IMMP2L: variants seen among roughly 807,000 people sequenced by gnomAD.
IMMP2L encodes the protein mitochondrial inner membrane protease subunit 2.
In IMMP2L, 18 loss-of-function variants were observed where a neutral mutation model predicts 19.3. The observed-to-expected ratio is 0.93, with a 90% confidence interval of 0.64 to 1.38. The LOEUF (loss-of-function observed/expected upper bound fraction) is 1.38. Among genes scored for constraint, IMMP2L ranks in the 40% most tolerant of loss-of-function variants. The pLI, the probability that IMMP2L is intolerant of heterozygous loss-of-function variation, is 0.00. For synonymous variants in IMMP2L, 76 were observed against 73.0 expected (o/e 1.04, Z -0.21); for missense variants, 233 against 218.2 (o/e 1.07, Z -0.43).
chr7:111,049,977 C>G (rs989893817), intron 3 of IMMP2L, among the ~76,000 whole-genome samples: 1 of 152,154 alleles, frequency 6.6e-6, no homozygotes, highest in Non-Finnish European at 1.5e-5. Flanking sequence ...CCAAAGAAAT[C>G]TAAGAAACAG....
At chr7:110,677,149 T>C (rs1792361009) in intron 5 of IMMP2L, among the ~76,000 whole-genome samples, 1 of 152,130 alleles carries the variant, frequency 6.6e-6, no homozygotes, top group African/African-American at 2.4e-5. Flanking sequence ...TAAGAAAAAG[T>C]GAGAAGAACA....
intron 3 of IMMP2L, among the ~76,000 whole-genome samples, chr7:111,165,815 C>T (rs1276418382): frequency 6.6e-6 from 1 of 152,012 alleles, no homozygotes; most frequent in East Asian, 1.9e-4. Context: ...GATCAAATTG[C>T]AGCTCTGCCT....
At chr7:111,360,762 G>A (rs1157444582) in intron 3 of IMMP2L, among the ~76,000 whole-genome samples, 1 of 152,110 alleles carries the variant, frequency 6.6e-6, no homozygotes, top group Non-Finnish European at 1.5e-5. Flanking sequence ...AGGCTGCAGT[G>A]AGCTATGATT....
At chr7:110,904,040 C>T (rs1200919814) in intron 4 of IMMP2L, among the ~76,000 whole-genome samples, 2 of 151,974 alleles carry the variant, frequency 1.3e-5, no homozygotes, top group Admixed American at 1.3e-4. Context: ...GAAACATCTA[C>T]TCAAGTCCTT....
chr7:111,515,198 T>C (rs765411512), intron 2 of IMMP2L, among the ~76,000 whole-genome samples: 13 of 152,174 alleles, frequency 8.5e-5, no homozygotes, highest in Non-Finnish European at 1.5e-4. Context: ...ATTTGGTGCC[T>C]GAGGCTGCTC....
intron 1 of IMMP2L, among the ~76,000 whole-genome samples, chr7:111,539,196 GAGAAAGAAAGAAA>G (rs1848237137): frequency 3.3e-5 from 1 of 30,052 alleles, no homozygotes; most frequent in African/African-American, 1.7e-4. Context: ...AGGAAGGAGG[GAGAAAGAAAGAAA>G]GAAAGAAAGA....
intron 5 of IMMP2L, among the ~76,000 whole-genome samples, chr7:110,687,504 A>C (rs895604116): frequency 9.2e-5 from 14 of 152,256 alleles, no homozygotes; most frequent in Non-Finnish European, 2.1e-4. Context: ...AAATAATGAC[A>C]TTCCCTTAGA....
At chr7:110,942,331 C>T (rs1235336128) in intron 4 of IMMP2L, among the ~76,000 whole-genome samples, 3 of 151,858 alleles carry the variant, frequency 2.0e-5, no homozygotes, top group Non-Finnish European at 2.9e-5. Context: ...ACAACAAATA[C>T]ACTGGAAGTG....
At chr7:110,750,755 T>A (rs1447176126) in intron 5 of IMMP2L, among the ~76,000 whole-genome samples, 1 of 152,036 alleles carries the variant, frequency 6.6e-6, no homozygotes, top group East Asian at 1.9e-4. Flanking sequence ...ACAGGCCACA[T>A]TAATGATAGG....
At chr7:111,451,195 C>A (rs1032717656) in intron 3 of IMMP2L, among the ~76,000 whole-genome samples, 25 of 143,126 alleles carry the variant, frequency 1.7e-4, no homozygotes, top group Admixed American at 2.7e-4. Flanking sequence ...TTTGACCCAG[C>A]CATCCCATTA....
chr7:111,367,571 T>G (rs969848943), intron 3 of IMMP2L, among the ~76,000 whole-genome samples: 1 of 151,956 alleles, frequency 6.6e-6, no homozygotes, highest in African/African-American at 2.4e-5. Flanking sequence ...TGCCAGGCAC[T>G]ATGCTAATAA....
In IMMP2L at chr7:110,820,533, T is replaced by C. The variant is rs1802928425; in HGVS notation, c.408+66060A>G. Among the ~76,000 whole-genome samples the C allele has an allele frequency of 2.6e-5, 4 of 152,030 alleles. No homozygotes were observed. In the South Asian group the frequency reaches 6.2e-4, roughly 24 times the overall value. On this transcript the variant is annotated intron_variant, in intron 5 of 5. Coordinates refer to ENST00000405709, the MANE Select transcript of IMMP2L (RefSeq NM_032549.4). ...GTAACTAGTAAGTATTATCTGAACA[T>C]ATATGTTTCATATTATGAGTATTAT... is the stretch of plus-strand genomic sequence containing the variant.
chr7:111,276,228 G>A (rs1464856679), intron 3 of IMMP2L, among the ~76,000 whole-genome samples: 1 of 152,024 alleles, frequency 6.6e-6, no homozygotes, highest in East Asian at 1.9e-4. Flanking sequence ...CCTTAATTCT[G>A]TGTCTGTAAT....
chr7:111,076,056 A>C (rs1296922212), intron 3 of IMMP2L, among the ~76,000 whole-genome samples: 4 of 151,976 alleles, frequency 2.6e-5, no homozygotes, highest in Middle Eastern at 3.2e-3. Flanking sequence ...ATAATACTTC[A>C]TTTCTCTCTA....
chr7:111,387,031 A>C (rs1419806849), intron 3 of IMMP2L, among the ~76,000 whole-genome samples: 1 of 152,214 alleles, frequency 6.6e-6, no homozygotes, highest in Non-Finnish European at 1.5e-5. Flanking sequence ...TTATTCAAAA[A>C]TAGCAGAAGA....
intron 3 of IMMP2L, among the ~76,000 whole-genome samples, chr7:111,210,153 ACT>A (rs1811160316): frequency 1.3e-5 from 2 of 151,834 alleles, no homozygotes; most frequent in South Asian, 2.1e-4. Flanking sequence ...TGCTTTCTTG[ACT>A]CTCTGCTTCA....
intron 5 of IMMP2L, among the ~76,000 whole-genome samples, chr7:110,865,076 T>C (rs1305951420): frequency 1.3e-5 from 2 of 152,084 alleles, no homozygotes; most frequent in African/African-American, 2.4e-5. Context: ...TTTTAACATG[T>C]TTTTAATTCA....
At chr7:111,087,387 T>C (rs532434544) in intron 3 of IMMP2L, among the ~76,000 whole-genome samples, 7 of 150,718 alleles carry the variant, frequency 4.6e-5, no homozygotes, top group Non-Finnish European at 1.0e-4. Context: ...AGGTGTTGGT[T>C]GCAGTGAGCC....
intron 5 of IMMP2L, among the ~76,000 whole-genome samples, chr7:110,846,052 T>C: frequency 6.6e-6 from 1 of 152,184 alleles, no homozygotes; most frequent in South Asian, 2.1e-4. Flanking sequence ...TGGTATTTTG[T>C]TATAGTAGCC....
Sources: gnomAD v4.1 joint callset for allele counts (sites outside exome capture counted in the v4.1 genomes callset) on GRCh38, gnomAD v4.1.1 for gene constraint, MANE v1.5 for transcripts, NCBI Gene and HGNC (gene_info 2026-07-23, HGNC 2026-07-21) for gene names.